DPRX: variants seen among roughly 807,000 people sequenced by gnomAD.
DPRX encodes divergent paired-related homeobox.
In DPRX, 11 loss-of-function variants were observed where a neutral mutation model predicts 8.4. That is an observed-to-expected ratio of 1.31 (90% CI 0.82 to 2.17). The LOEUF (loss-of-function observed/expected upper bound fraction) is 2.17. Among genes scored for constraint, DPRX ranks in the 30% most tolerant of loss-of-function variants. The pLI is 0.00. For missense variants in DPRX, 211 were observed against 236.7 expected, an observed-to-expected ratio of 0.89 and a Z score of 0.71; for synonymous variants, 72 against 87.0, an observed-to-expected ratio of 0.83 and a Z score of 0.96.
chr19:53,609,311 T>C, the DPRX span, among the ~76,000 whole-genome samples: 1 of 147,808 alleles, frequency 6.8e-6, no homozygotes, highest in African/African-American at 2.5e-5. Flanking sequence ...CTACAAAAAA[T>C]ACAAAAATTA....
At chr19:53,623,977 T>TAAATA in the DPRX span, among the ~76,000 whole-genome samples, 1 of 39,352 alleles carries the variant, frequency 2.5e-5, no homozygotes, top group Admixed American at 1.8e-4. Context: ...AATAAATAAA[T>TAAATA]AATAACCATT....
the DPRX span, chr19:53,606,716 C>T: frequency 1.3e-5 from 2 of 148,944 alleles, no homozygotes; most frequent in Non-Finnish European, 2.9e-5. The surrounding 1 kb of genome is among the most constrained non-coding windows in gnomAD (Gnocchi z 4.8). Context: ...GGGTGGAGGG[C>T]TTCTTCTCCT....
chr19:53,635,036 A>G (rs1600572131), intron 2 of DPRX, among the ~76,000 whole-genome samples: 1 of 152,298 alleles, frequency 6.6e-6, no homozygotes, highest in East Asian at 1.9e-4. Context: ...ACGGTGGTGC[A>G]ATCACAGCTC....
At chr19:53,631,948 C>T (rs564135836), upstream of DPRX, 6 of 925,878 alleles carry the variant, frequency 6.5e-6, no homozygotes, top group South Asian at 6.2e-5. Context: ...CCAGGGGGCT[C>T]TGGAGGACCG....
At chr19:53,603,410 G>C in the DPRX span, 1 of 456,564 alleles carries the variant, frequency 2.2e-6, no homozygotes, top group Non-Finnish European at 4.4e-6. Context: ...GGATGGTGCT[G>C]ACAGGGCTCC....
chr19:53,636,543 GA>G, intron 2 of DPRX, 52 bp from the exon 3 acceptor site: 1 of 1,340,010 alleles, frequency 7.5e-7, no homozygotes, highest in Non-Finnish European at 9.6e-7. Context: ...TTTAAAAATA[GA>G]ATGACAAGTC....
At chr19:53,603,333 G>A in the DPRX span, 1 of 455,968 alleles carries the variant, frequency 2.2e-6, no homozygotes. Context: ...ACACCCCGCG[G>A]AGAAACGCCA....
chr19:53,604,685 A>C, the DPRX span, among the ~76,000 whole-genome samples: 2 of 152,080 alleles, frequency 1.3e-5, no homozygotes, highest in African/African-American at 4.8e-5. Context: ...TCTACTAAAA[A>C]TACAAAAATT....
upstream of DPRX, among the ~76,000 whole-genome samples, chr19:53,627,636 G>A (rs1263151034): frequency 3.3e-5 from 5 of 150,500 alleles, no homozygotes; most frequent in Non-Finnish European, 5.9e-5. Flanking sequence ...ACGGGCTGTC[G>A]CCACGTTGGC....
At chr19:53,623,085 C>A in the DPRX span, among the ~76,000 whole-genome samples, 1 of 150,970 alleles carries the variant, frequency 6.6e-6, no homozygotes, top group Non-Finnish European at 1.5e-5. Context: ...GCGGGCGGAT[C>A]ACGAGGTCAG....
chr19:53,602,113 G>A, the DPRX span: 2 of 456,596 alleles, frequency 4.4e-6, no homozygotes, highest in Non-Finnish European at 8.8e-6. Context: ...CCAGAGAACA[G>A]GCGTTTGGGC....
chr19:53,604,741 G>T, the DPRX span, among the ~76,000 whole-genome samples: 2 of 151,944 alleles, frequency 1.3e-5, no homozygotes, highest in African/African-American at 4.8e-5. Context: ...TACTCCGGAG[G>T]CTGAGGCAGG....
At chr19:53,636,362 T>A (rs746356795) in intron 2 of DPRX, among the ~76,000 whole-genome samples, 1 of 146,732 alleles carries the variant, frequency 6.8e-6, no homozygotes, top group Non-Finnish European at 1.5e-5. Context: ...TGAGACTCCA[T>A]CTCAAAAATA....
At chr19:53,633,363 A>T (rs1175905806) in intron 1 of DPRX, among the ~76,000 whole-genome samples, 3 of 152,186 alleles carry the variant, frequency 2.0e-5, no homozygotes, top group Non-Finnish European at 1.5e-5. Flanking sequence ...TTCCTAAAAG[A>T]ATATACTTAA....
upstream of DPRX, among the ~76,000 whole-genome samples, chr19:53,628,735 A>G (rs539687569): frequency 1.3e-5 from 2 of 151,960 alleles, no homozygotes; most frequent in East Asian, 2.0e-4. Context: ...GATTACAGGC[A>G]TGTGCCACCG....
chr19:53,616,487 G>C, the DPRX span, among the ~76,000 whole-genome samples: 3 of 151,976 alleles, frequency 2.0e-5, no homozygotes, highest in Non-Finnish European at 4.4e-5. Context: ...TGGCATGGTG[G>C]CTCACGCCTG....
At chr19:53,609,661 T>C in the DPRX span, among the ~76,000 whole-genome samples, 4 of 151,436 alleles carry the variant, frequency 2.6e-5, no homozygotes, top group African/African-American at 9.7e-5. Flanking sequence ...AGATCAGGGG[T>C]TCTAGACCAG....
the DPRX span, among the ~76,000 whole-genome samples, chr19:53,625,484 T>A: frequency 6.6e-6 from 1 of 152,022 alleles, no homozygotes; most frequent in East Asian, 1.9e-4. Flanking sequence ...CATGGGTGCA[T>A]TATACAAGCA....
At chr19:53,636,187 G>A (rs969182667) in intron 2 of DPRX, among the ~76,000 whole-genome samples, 2 of 151,932 alleles carry the variant, frequency 1.3e-5, no homozygotes, top group African/African-American at 2.4e-5. Flanking sequence ...CCAATATGGT[G>A]AAACCCTGTC....
Sources: gnomAD v4.1 joint callset for allele counts (sites outside exome capture counted in the v4.1 genomes callset) on GRCh38, gnomAD v4.1.1 for gene constraint, Gnocchi (gnomAD v3.1) non-coding constraint, MANE v1.5 for transcripts, NCBI Gene and HGNC (gene_info 2026-07-23, HGNC 2026-07-21) for gene names.